TMIGD3: variants seen among roughly 807,000 people sequenced by gnomAD.
TMIGD3 encodes AD026 protein (AD026).
In TMIGD3, 21 loss-of-function variants were observed where a neutral mutation model predicts 28.1. That is an observed-to-expected ratio of 0.75 (90% CI 0.53 to 1.08). TMIGD3 has a LOEUF of 1.08. TMIGD3 is among the 50% of genes least tolerant of loss of function. The pLI is 0.00. For synonymous variants in TMIGD3, 151 were observed against 162.1 expected, an observed-to-expected ratio of 0.93 and a Z score of 0.52; for missense variants, 416 against 435.6, an observed-to-expected ratio of 0.96 and a Z score of 0.40.
At chr1:111,511,902 C>T (rs1375965446) in intron 1 of TMIGD3, among the ~76,000 whole-genome samples, 1 of 152,180 alleles carries the variant, frequency 6.6e-6, no homozygotes, top group Non-Finnish European at 1.5e-5. Flanking sequence ...ACTGATCTTG[C>T]CCCAAATCAC....
intron 1 of TMIGD3, among the ~76,000 whole-genome samples, chr1:111,549,726 G>GAAT (rs1174571764): frequency 6.6e-6 from 1 of 151,488 alleles, no homozygotes; most frequent in Non-Finnish European, 1.5e-5. Flanking sequence ...ATAGCTCACT[G>GAAT]AAGCCTCAAA....
chr1:111,499,695 A>T lies in TMIGD3; in HGVS notation c.350+3310T>A, dbSNP rs535900028. The T allele has an allele frequency of 4.7e-6, 6 of 1,273,830 alleles. 1 individual carries two copies. In the South Asian group the frequency reaches 1.1e-4, roughly 24 times the overall value. The allele number at this position is 1,273,830 out of a possible 1,614,324, so 78.9% of individuals were successfully genotyped here. ...CTATTGGGAAGAAGGAAAACAGACA[A>T]TAATATCAATAATACGTTGTCCCCA... On this transcript the variant is annotated intron_variant, in intron 1 of 5. Transcript: ENST00000369716.
intron 1 of TMIGD3, among the ~76,000 whole-genome samples, chr1:111,562,672 G>T (rs1476828700): frequency 6.6e-6 from 1 of 152,178 alleles, no homozygotes; most frequent in African/African-American, 2.4e-5. Context: ...TGTTTCAAAT[G>T]AAAGTAATCC....
At chr1:111,532,480 G>A (rs1656489159) in intron 1 of TMIGD3, among the ~76,000 whole-genome samples, 1 of 152,118 alleles carries the variant, frequency 6.6e-6, no homozygotes, top group Admixed American at 6.5e-5. Context: ...TCCTTCAGAG[G>A]CTGCCTTTTC....
intron 1 of TMIGD3, chr1:111,500,300 T>C (rs1655103827): frequency 6.2e-7 from 1 of 1,614,074 alleles, no homozygotes. Context: ...TTCCGAATGA[T>C]GTAAAAGATG....
rs1654222959 is a variant in TMIGD3, at chr1:111,483,667, T to A, written c.*20A>T. 2 of 1,595,022 alleles carry A rather than the reference T, an allele frequency of 1.3e-6. No homozygotes were observed. Among genetic ancestry groups the A allele is most frequent in the East Asian group, 4.5e-5 (2 of 44,758 alleles). On this transcript the variant is annotated 3_prime_UTR_variant, in exon 6 of 6. Coordinates refer to ENST00000369716, the MANE Select transcript of TMIGD3 (RefSeq NM_020683.7). ...TCTGTTGTAGCATCACTTTATGAAC[T>A]AAATTAAAAAAATCTTCAGTCACAT...
intron 1 of TMIGD3, among the ~76,000 whole-genome samples, chr1:111,497,133 C>T (rs193145365): frequency 1.3e-4 from 20 of 152,202 alleles, no homozygotes; most frequent in South Asian, 8.3e-4. Flanking sequence ...GTTTTTGAGA[C>T]GGAGTGTCGT....
chr1:111,539,330 G>T (rs1012396876), intron 1 of TMIGD3, among the ~76,000 whole-genome samples: 2 of 152,066 alleles, frequency 1.3e-5, no homozygotes, highest in Middle Eastern at 3.4e-3. Flanking sequence ...ACGGAGTCTC[G>T]CTCTGTCGCC....
intron 1 of TMIGD3, among the ~76,000 whole-genome samples, chr1:111,562,007 C>T (rs2101048572): frequency 6.6e-6 from 1 of 152,234 alleles, no homozygotes; most frequent in East Asian, 1.9e-4. Flanking sequence ...TTCAAACCCT[C>T]CACACTCTGA....
Position 111,483,695 on chromosome 1 carries a change from G to C in TMIGD3, c.1036C>G (p.Gln346Glu), listed in dbSNP as rs751507055. 1.4e-5 allele frequency: 22 copies of C among 1,613,042 alleles called. No homozygotes were observed. Among genetic ancestry groups the C allele is most frequent in the African/African-American group, 1.3e-4 (10 of 74,872 alleles). Reference sequence around the variant, plus strand: ...ATTAAAAAAATCTTCAGTCACATCTGTTCAGTAGGAGCCATTTCCTTTGGA... The same window carrying C: ...ATTAAAAAAATCTTCAGTCACATCTCTTCAGTAGGAGCCATTTCCTTTGGA... ...LTPKEMAPTE[Q>E]M Residue 346 changes from glutamine to glutamate, a missense_variant, in exon 6 of 6, where the codon CAG becomes GAG. By Grantham distance (29) the Gln-to-Glu change is conservative. Transcript: ENST00000369716.
intron 1 of TMIGD3, among the ~76,000 whole-genome samples, chr1:111,544,837 T>C (rs959356562): frequency 2.3e-5 from 2 of 87,578 alleles, no homozygotes; most frequent in Non-Finnish European, 4.7e-5. Flanking sequence ...TATATCCAAT[T>C]TGGTACATAC....
At chr1:111,514,643 AACAC>A (rs113195244) in intron 1 of TMIGD3, among the ~76,000 whole-genome samples, 13 of 148,912 alleles carry the variant, frequency 8.7e-5, no homozygotes, top group Non-Finnish European at 1.5e-4. Flanking sequence ...ACAGTATGGG[AACAC>A]ACACACACAC....
chr1:111,519,673 C>G (rs1655988779), intron 1 of TMIGD3, among the ~76,000 whole-genome samples: 1 of 151,874 alleles, frequency 6.6e-6, no homozygotes. Context: ...CCCTTTCCCT[C>G]CCCGAGCTTA....
At chr1:111,532,108 G>A (rs780052093) in intron 1 of TMIGD3, among the ~76,000 whole-genome samples, 7 of 86,110 alleles carry the variant, frequency 8.1e-5, no homozygotes, top group Non-Finnish European at 1.9e-4. Context: ...CTTCTTTGGC[G>A]TGGTTCCTTT....
intron 1 of TMIGD3, among the ~76,000 whole-genome samples, chr1:111,540,180 T>C (rs763154892): frequency 5.3e-5 from 8 of 152,282 alleles, no homozygotes; most frequent in Non-Finnish European, 1.2e-4. Context: ...AGACTGCTCT[T>C]CCTCATATGT....
At chr1:111,546,053 G>A (rs1657024159) in intron 1 of TMIGD3, among the ~76,000 whole-genome samples, 2 of 152,106 alleles carry the variant, frequency 1.3e-5, no homozygotes, top group Non-Finnish European at 1.5e-5. Flanking sequence ...ATCCAGAATT[G>A]TGAGTCCTTC....
chr1:111,483,473 G>T lies in TMIGD3; in HGVS notation c.*214C>A. On this transcript the variant is annotated 3_prime_UTR_variant, in exon 6 of 6. Coordinates refer to ENST00000369716, the MANE Select transcript of TMIGD3 (RefSeq NM_020683.7). ...GAATGCATAAGAACTAAGATCTTGA[G>T]ATGTTATTTGAGGGCAGCCTTGCTT... 1.9e-6 allele frequency: 1 copy of T among 539,632 alleles called. No homozygotes were observed. 33.4% of individuals were successfully genotyped at this position (539,632 alleles called of 1,614,324 possible).
At chr1:111,546,097 C>G (rs528244193) in intron 1 of TMIGD3, among the ~76,000 whole-genome samples, 1 of 152,184 alleles carries the variant, frequency 6.6e-6, no homozygotes, top group Non-Finnish European at 1.5e-5. Flanking sequence ...TTTGGTTATT[C>G]AAGGTCTCTT....
intron 1 of TMIGD3, among the ~76,000 whole-genome samples, chr1:111,537,413 G>C (rs1656673584): frequency 6.6e-6 from 1 of 152,210 alleles, no homozygotes; most frequent in Non-Finnish European, 1.5e-5. Context: ...ACGGTGTTCA[G>C]TGAAGACTTG....
Sources: gnomAD v4.1 joint callset for allele counts (sites outside exome capture counted in the v4.1 genomes callset) on GRCh38, gnomAD v4.1.1 for gene constraint, MANE v1.5 for transcripts, NCBI Gene and HGNC (gene_info 2026-07-23, HGNC 2026-07-21) for gene names.